The following ZNF83 variants were observed in gnomAD, a reference collection of about 807,000 sequenced individuals.
The protein encoded by ZNF83 is zinc finger protein 83, also known as zinc finger protein 816B.
For missense variants in ZNF83, 552 were observed against 629.9 expected (o/e 0.88, Z 1.32); for synonymous variants, 209 against 213.0 (o/e 0.98, Z 0.17).
At chr19:52,614,366 T>A in exon 3 of ZNF83, 1 of 1,612,892 alleles carries the variant, frequency 6.2e-7, no homozygotes. Flanking sequence ...GTATGAGAAA[T>A]GTGGGTTTTG....
chr19:52,661,024 A>G (rs1043983950), intron 1 of ZNF83, among the ~76,000 whole-genome samples: 5 of 151,878 alleles, frequency 3.3e-5, no homozygotes, highest in African/African-American at 1.2e-4. Flanking sequence ...TCCACGATGC[A>G]CAGCTAATTT....
At chr19:52,612,977 T>C in exon 3 of ZNF83, 1 of 1,509,264 alleles carries the variant, frequency 6.6e-7, no homozygotes, top group South Asian at 1.3e-5. Context: ...ATTGTATGTC[T>C]TACAAGGCTT....
At chr19:52,647,832 A>G (rs565461258) in intron 3 of ZNF83, among the ~76,000 whole-genome samples, 1 of 150,336 alleles carries the variant, frequency 6.7e-6, no homozygotes, top group Non-Finnish European at 1.5e-5. Flanking sequence ...CAATCTCCAT[A>G]TATTTCCACC....
intron 2 of ZNF83, among the ~76,000 whole-genome samples, chr19:52,616,274 C>T (rs1368813391): frequency 6.6e-6 from 1 of 152,222 alleles, no homozygotes; most frequent in Non-Finnish European, 1.5e-5. Context: ...CACCAATTTA[C>T]ACTGCAAGTA....
upstream of ZNF83, among the ~76,000 whole-genome samples, chr19:52,642,100 G>C (rs563653480): frequency 3.9e-5 from 6 of 152,178 alleles, no homozygotes; most frequent in South Asian, 1.2e-3. Flanking sequence ...TAGGGCAGGG[G>C]AAGCAGTCAG....
intron 1 of ZNF83, among the ~76,000 whole-genome samples, chr19:52,665,955 T>C (rs1176761526): frequency 6.6e-6 from 1 of 151,692 alleles, no homozygotes; most frequent in Non-Finnish European, 1.5e-5. Flanking sequence ...GGTCAGGAGA[T>C]TGAGACCATC....
At chr19:52,684,746 G>A (rs1457376492) in intron 1 of ZNF83, among the ~76,000 whole-genome samples, 3 of 152,032 alleles carry the variant, frequency 2.0e-5, no homozygotes, top group Admixed American at 6.6e-5. Context: ...AGGGACATAG[G>A]GTAAGAGCAG....
intron 1 of ZNF83, among the ~76,000 whole-genome samples, chr19:52,683,528 A>ACCCTTGACGCTG (rs1216197668): frequency 4.8e-5 from 4 of 82,730 alleles, no homozygotes; most frequent in South Asian, 3.5e-4. Flanking sequence ...ATCCAAAGGG[A>ACCCTTGACGCTG]AGGGCAAAGT....
At chr19:52,627,189 G>GC (rs1352486737) in intron 2 of ZNF83, among the ~76,000 whole-genome samples, 1 of 141,148 alleles carries the variant, frequency 7.1e-6, no homozygotes, top group African/African-American at 2.6e-5. Context: ...CTATAAAACT[G>GC]CCCCACCCCA....
intron 1 of ZNF83, among the ~76,000 whole-genome samples, chr19:52,679,190 G>A (rs2061867548): frequency 6.6e-6 from 1 of 152,228 alleles, no homozygotes; most frequent in Non-Finnish European, 1.5e-5. Flanking sequence ...GAGGCTGTGA[G>A]CCCAAATGAC....
chr19:52,627,144 C>T (rs2060770795), intron 2 of ZNF83, among the ~76,000 whole-genome samples: 1 of 152,158 alleles, frequency 6.6e-6, no homozygotes, highest in Non-Finnish European at 1.5e-5. Flanking sequence ...TAGATAACCA[C>T]CTTTAACTGT....
At chr19:52,613,138 T>A (rs751681054) in exon 3 of ZNF83, 1 of 1,613,188 alleles carries the variant, frequency 6.2e-7, no homozygotes, top group Non-Finnish European at 8.5e-7. Context: ...GTGGATCGCA[T>A]GATGATTAGT....
intron 1 of ZNF83, among the ~76,000 whole-genome samples, chr19:52,685,178 T>A (rs558858336): frequency 6.6e-6 from 1 of 152,272 alleles, no homozygotes; most frequent in East Asian, 1.9e-4. Context: ...ATTTTGCCAA[T>A]CATTTCAGGG....
intron 2 of ZNF83, among the ~76,000 whole-genome samples, chr19:52,660,050 G>C (rs1224989128): frequency 1.3e-5 from 2 of 152,062 alleles, no homozygotes; most frequent in Admixed American, 1.3e-4. Context: ...AATTAGCGGG[G>C]TGTGGTGGTG....
intron 1 of ZNF83, among the ~76,000 whole-genome samples, chr19:52,676,707 T>C (rs2061816416): frequency 2.9e-5 from 4 of 136,566 alleles, no homozygotes; most frequent in Non-Finnish European, 4.8e-5. Flanking sequence ...GGGGAAAAGA[T>C]TGAGAAATCG....
chr19:52,649,290 G>A (rs980033249), intron 3 of ZNF83, among the ~76,000 whole-genome samples: 6 of 152,170 alleles, frequency 3.9e-5, no homozygotes, highest in Non-Finnish European at 7.3e-5. Context: ...AGGGAAGCAG[G>A]CAGGCTGGTG....
At chr19:52,634,974 ACTT>A (rs10559596) in intron 2 of ZNF83, 89 bp downstream of exon 2, 533,434 of 705,000 alleles carry the variant, frequency 0.76, 204,126 homozygotes, top group African/African-American at 0.94. Context: ...CAGGCAGGAC[ACTT>A]CTTGAGACCC....
intron 1 of ZNF83, among the ~76,000 whole-genome samples, chr19:52,661,366 C>A (rs1403636220): frequency 6.6e-6 from 1 of 152,196 alleles, no homozygotes; most frequent in African/African-American, 2.4e-5. Flanking sequence ...CACACACACG[C>A]TGAAGCAGGG....
At chr19:52,674,921 C>CT (rs1395690542) in intron 1 of ZNF83, among the ~76,000 whole-genome samples, 4 of 152,174 alleles carry the variant, frequency 2.6e-5, no homozygotes, top group Admixed American at 2.6e-4. Flanking sequence ...TGGCTAACCT[C>CT]TGTTGGCCAG....
Sources: allele counts gnomAD v4.1 joint callset (sites outside exome capture counted in the v4.1 genomes callset), GRCh38; gene constraint gnomAD v4.1.1; transcripts MANE v1.5; gene names NCBI Gene and HGNC (gene_info 2026-07-23, HGNC 2026-07-21).